Variants in DROSHA observed in about 807,000 individuals in gnomAD.
DROSHA encodes the protein ribonuclease 3.
DROSHA carries 56 observed loss-of-function variants against 181.9 expected under a neutral mutation model. The ratio of observed to expected loss-of-function variants is 0.31; its 90% confidence interval spans 0.25 to 0.38. DROSHA has a LOEUF of 0.38. Ranked by LOEUF, DROSHA falls within the 10% of genes least tolerant of loss-of-function variation. The pLI is 1.00. For missense variants in DROSHA, 1,218 were observed against 1,743.5 expected, an observed-to-expected ratio of 0.70 and a Z score of 5.37; for synonymous variants, 524 against 591.2, an observed-to-expected ratio of 0.89 and a Z score of 1.65.
At chr5:31,495,399 T>C (rs755104673) in intron 11 of DROSHA, 27 bp from the exon 12 acceptor site, 1 of 1,599,202 alleles carries the variant, frequency 6.3e-7, no homozygotes. Flanking sequence ...GAAAATCAGT[T>C]TACAAGTAAA....
At chr5:31,482,814 CT>C (rs200907484) in intron 16 of DROSHA, among the ~76,000 whole-genome samples, 16,881 of 144,152 alleles carry the variant, frequency 0.12, 1,168 homozygotes, top group East Asian at 0.23. Flanking sequence ...ATTAAAAATA[CT>C]TTTTTTTTTT....
intron 23 of DROSHA, among the ~76,000 whole-genome samples, chr5:31,446,716 C>G (rs2150012362): frequency 6.8e-6 from 1 of 148,042 alleles, no homozygotes; most frequent in Admixed American, 6.7e-5. Flanking sequence ...TAATCATCAA[C>G]CTAAATGCCC....
At chr5:31,431,488 G>A in intron 26 of DROSHA, 88 bp downstream of exon 26, 1 of 1,304,880 alleles carries the variant, frequency 7.7e-7, no homozygotes. Context: ...AAGTAATTCT[G>A]TCCCAAGTTT....
chr5:31,464,086 A>T, intron 20 of DROSHA, 150 bp downstream of exon 20: 1 of 725,836 alleles, frequency 1.4e-6, no homozygotes. Flanking sequence ...ACAAAATCCA[A>T]ATAATAGAAA....
At chr5:31,515,396 C>T in intron 7 of DROSHA, 58 bp downstream of exon 7, 1 of 1,048,956 alleles carries the variant, frequency 9.5e-7, no homozygotes, top group Non-Finnish European at 1.4e-6. Flanking sequence ...ATCAGAATCA[C>T]CTGAAGTTTA....
At chr5:31,477,582 A>T (rs1170831450) in intron 16 of DROSHA, among the ~76,000 whole-genome samples, 2 of 152,220 alleles carry the variant, frequency 1.3e-5, no homozygotes, top group Non-Finnish European at 2.9e-5. Flanking sequence ...CACACCTGAG[A>T]ACTACTGCTC....
intron 23 of DROSHA, among the ~76,000 whole-genome samples, chr5:31,443,798 C>G (rs541723316): frequency 2.5e-4 from 38 of 152,274 alleles, no homozygotes; most frequent in Non-Finnish European, 3.5e-4. Context: ...CTTGATCCCC[C>G]CGCTGCCCTA....
chr5:31,529,986 T>C (rs997070518), intron 3 of DROSHA, among the ~76,000 whole-genome samples: 39 of 152,324 alleles, frequency 2.6e-4, no homozygotes, highest in African/African-American at 7.5e-4. Context: ...AGCTGTAACA[T>C]AGAAACATTT....
chr5:31,406,342 C>T (rs1255551493), intron 34 of DROSHA, among the ~76,000 whole-genome samples: 1 of 152,000 alleles, frequency 6.6e-6, no homozygotes, highest in African/African-American at 2.4e-5. Flanking sequence ...AAAACCCTGT[C>T]TCTACTAAAA....
At chr5:31,477,498 T>C (rs577277968) in intron 16 of DROSHA, among the ~76,000 whole-genome samples, 2 of 152,366 alleles carry the variant, frequency 1.3e-5, no homozygotes, top group African/African-American at 2.4e-5. Context: ...GTGGTACTAA[T>C]AGATGGTTTT....
Position 31,518,868 on chromosome 5 carries a change from C to T in DROSHA, c.947+2255G>A, listed in dbSNP as rs149725508. Reference sequence around the variant, plus strand: ...CCAAGAAACACAGGCAAAAGACATCCTCACCCATCCTTTTAAGCAGGCGTT... The same window carrying T: ...CCAAGAAACACAGGCAAAAGACATCTTCACCCATCCTTTTAAGCAGGCGTT... On this transcript the variant is annotated intron_variant, in intron 6 of 35. Coordinates refer to ENST00000344624, the MANE Select transcript of DROSHA (RefSeq NM_001382508.1). Among the ~76,000 whole-genome samples the T allele has an allele frequency of 5.3e-4, 80 of 152,326 alleles. 3 individuals carry two copies. In the East Asian group the frequency reaches 0.013, roughly 25 times the overall value.
intron 21 of DROSHA, 103 bp from the exon 22 acceptor site, chr5:31,449,522 G>A: frequency 7.9e-7 from 1 of 1,266,020 alleles, no homozygotes; most frequent in South Asian, 1.5e-5. Context: ...TAGCCCAGGA[G>A]ATCAAGACTA....
intron 14 of DROSHA, among the ~76,000 whole-genome samples, chr5:31,485,764 T>C (rs1024030183): frequency 2.6e-5 from 4 of 151,992 alleles, no homozygotes; most frequent in Admixed American, 1.3e-4. Flanking sequence ...TAGGCACACA[T>C]GTGATGCCGA....
At chr5:31,419,818 G>T (rs975700017) in intron 30 of DROSHA, among the ~76,000 whole-genome samples, 1 of 152,152 alleles carries the variant, frequency 6.6e-6, no homozygotes, top group Non-Finnish European at 1.5e-5. Flanking sequence ...AAGTGTCAGA[G>T]GATATTGAAC....
intron 23 of DROSHA, among the ~76,000 whole-genome samples, chr5:31,443,296 G>A (rs1390668540): frequency 6.6e-6 from 1 of 151,902 alleles, no homozygotes; most frequent in Admixed American, 6.6e-5. Flanking sequence ...GGGATTACAG[G>A]TGTGAGCCAC....
intron 16 of DROSHA, 82 bp downstream of exon 16, chr5:31,483,472 T>C: frequency 7.3e-7 from 1 of 1,376,198 alleles, no homozygotes; most frequent in South Asian, 1.2e-5. Context: ...GGGAAAGTTG[T>C]CCCTGAAGAC....
chr5:31,434,698 T>A (rs925618657), intron 25 of DROSHA, among the ~76,000 whole-genome samples: 2 of 152,190 alleles, frequency 1.3e-5, no homozygotes, highest in Non-Finnish European at 2.9e-5. Context: ...TATCTACTCT[T>A]TCTATCAAAA....
intron 6 of DROSHA, among the ~76,000 whole-genome samples, chr5:31,518,619 C>T (rs745636041): frequency 2.0e-5 from 3 of 152,172 alleles, no homozygotes; most frequent in Non-Finnish European, 4.4e-5. Flanking sequence ...TTGGTGCTTA[C>T]TCTGAGGCTG....
intron 5 of DROSHA, among the ~76,000 whole-genome samples, chr5:31,525,120 C>G (rs1436170518): frequency 6.6e-6 from 1 of 151,964 alleles, no homozygotes; most frequent in African/African-American, 2.4e-5. Flanking sequence ...CACCTGAGGT[C>G]AGGAGTTCGA....
Sources: gnomAD v4.1 joint callset for allele counts (sites outside exome capture counted in the v4.1 genomes callset) on GRCh38, gnomAD v4.1.1 for gene constraint, MANE v1.5 for transcripts, NCBI Gene and HGNC (gene_info 2026-07-23, HGNC 2026-07-21) for gene names.